The following CPE variants were observed in gnomAD, a reference collection of about 807,000 sequenced individuals.
The protein encoded by CPE is carboxypeptidase E, also known as carbocypeptidase E.
CPE carries 17 observed loss-of-function variants against 53.5 expected under a neutral mutation model. That is an observed-to-expected ratio of 0.32 (90% CI 0.22 to 0.48). CPE has a LOEUF of 0.48. Among genes scored for constraint, CPE ranks in the 20% least tolerant of loss-of-function variants. The pLI is 0.99. For synonymous variants in CPE, 226 were observed against 228.8 expected, an observed-to-expected ratio of 0.99 and a Z score of 0.11; for missense variants, 524 against 614.7, an observed-to-expected ratio of 0.85 and a Z score of 1.56.
intron 5 of CPE, 97 bp from the exon 6 acceptor site, chr4:165,487,340 TG>T: frequency 6.6e-7 from 1 of 1,510,538 alleles, no homozygotes; most frequent in Non-Finnish European, 9.0e-7. Context: ...TGCCCTGGTT[TG>T]TGTACCTTTT....
At chr4:165,458,305 T>A (rs1290651013) in intron 1 of CPE, among the ~76,000 whole-genome samples, 1 of 152,238 alleles carries the variant, frequency 6.6e-6, no homozygotes, top group Non-Finnish European at 1.5e-5. Flanking sequence ...AATGGGGTTT[T>A]ACCTGTGGAA....
chr4:165,414,923 C>T (rs1185383983), intron 1 of CPE, among the ~76,000 whole-genome samples: 1 of 151,432 alleles, frequency 6.6e-6, no homozygotes, highest in Non-Finnish European at 1.5e-5. Flanking sequence ...GGAAAAACAG[C>T]CATTATTTAA....
chr4:165,383,535 G>T (rs992395723), intron 1 of CPE, among the ~76,000 whole-genome samples: 17 of 152,166 alleles, frequency 1.1e-4, no homozygotes, highest in African/African-American at 3.6e-4. Flanking sequence ...AAGTAAATCT[G>T]ATTTATAGCT....
intron 3 of CPE, among the ~76,000 whole-genome samples, chr4:165,472,115 C>G (rs917359796): frequency 6.6e-6 from 1 of 152,152 alleles, no homozygotes; most frequent in African/African-American, 2.4e-5. Context: ...AACAAAGGAT[C>G]AGCAATGTTT....
At chr4:165,389,835 G>T (rs535666575) in intron 1 of CPE, among the ~76,000 whole-genome samples, 1 of 152,236 alleles carries the variant, frequency 6.6e-6, no homozygotes, top group South Asian at 2.1e-4. Context: ...TTTCACAGTT[G>T]CCAAATTATA....
chr4:165,442,506 T>A (rs1406428261), intron 1 of CPE, among the ~76,000 whole-genome samples: 1 of 152,174 alleles, frequency 6.6e-6, no homozygotes, highest in African/African-American at 2.4e-5. Context: ...TAAATTCAGT[T>A]TCCAGATTAT....
chr4:165,405,949 C>A lies in CPE; in HGVS notation c.307+26421C>A, dbSNP rs1000781091. 1.6e-5 allele frequency: 12 copies of A among 731,084 alleles called. No individual in the cohort carries two copies. The African/African-American group carries it at 2.1e-4, about 13-fold the overall frequency. 45.3% of individuals were successfully genotyped at this position (731,084 alleles called of 1,614,324 possible). A position where few individuals can be genotyped will look rare whatever the true frequency, so the allele number is the denominator to read the frequency against. On this transcript the variant is annotated intron_variant, in intron 1 of 8. Transcript: ENST00000402744. ...TGGCAGTCACAACAGGCTTTATGGA[C>A]TTTTCAAGTTTCTCAAATGTTCTCT...
intron 1 of CPE, among the ~76,000 whole-genome samples, chr4:165,457,870 C>G (rs574444293): frequency 7.2e-5 from 11 of 152,226 alleles, no homozygotes; most frequent in African/African-American, 2.6e-4. Context: ...AGTGAGTAAT[C>G]TGTTTTTGTA....
At chr4:165,384,731 T>C (rs1222451314) in intron 1 of CPE, among the ~76,000 whole-genome samples, 1 of 152,140 alleles carries the variant, frequency 6.6e-6, no homozygotes, top group Non-Finnish European at 1.5e-5. Flanking sequence ...ATTTGTCACA[T>C]GAGACTGGAT....
At chr4:165,419,654 A>G (rs1483201174) in intron 1 of CPE, among the ~76,000 whole-genome samples, 1 of 152,188 alleles carries the variant, frequency 6.6e-6, no homozygotes, top group African/African-American at 2.4e-5. Context: ...GTGTCTTTCA[A>G]TGGCAGAAGG....
At chr4:165,388,350 A>C (rs1730631367) in intron 1 of CPE, among the ~76,000 whole-genome samples, 2 of 152,208 alleles carry the variant, frequency 1.3e-5, no homozygotes, top group Admixed American at 6.5e-5. Context: ...GCTATTATAA[A>C]ATATTACTGT....
At chr4:165,421,441 G>A (rs938936991) in intron 1 of CPE, among the ~76,000 whole-genome samples, 1 of 152,128 alleles carries the variant, frequency 6.6e-6, no homozygotes, top group African/African-American at 2.4e-5. Flanking sequence ...CTTGACATTT[G>A]TAACTTTTGT....
intron 6 of CPE, among the ~76,000 whole-genome samples, chr4:165,490,629 C>CAAAAAAA (rs36034365): frequency 4.9e-5 from 2 of 41,006 alleles, no homozygotes; most frequent in East Asian, 6.2e-4. Context: ...GACTCCGTCT[C>CAAAAAAA]AAAAAAAAAA....
rs763320577 is a variant in CPE at position 165,484,407 on chromosome 4, G to A, written c.791-15G>A. 2.5e-6 allele frequency: 4 copies of A among 1,609,704 alleles called. No individual in the cohort carries two copies. In the Admixed American group the frequency reaches 5.0e-5, roughly 20 times the overall value. The stretch of plus-strand genomic sequence containing the variant: ...TCTGTGTCTGTTTCTTTAATCTTGT[G>A]GATTTGTTTTCTAGGTAGTGCTCAC... On this transcript the variant is annotated splice_polypyrimidine_tract_variant and intron_variant, in intron 4 of 8. Transcript: ENST00000402744.
chr4:165,494,733 G>A (rs189622368), intron 7 of CPE, among the ~76,000 whole-genome samples: 356 of 152,252 alleles, frequency 2.3e-3, no homozygotes, highest in Non-Finnish European at 4.4e-3. Context: ...GACAATTGAG[G>A]CACTAGCTGC....
At chr4:165,449,824 AT>A (rs200627529) in intron 1 of CPE, among the ~76,000 whole-genome samples, 8 of 151,730 alleles carry the variant, frequency 5.3e-5, no homozygotes, top group African/African-American at 1.2e-4. Flanking sequence ...TTTTAAATAG[AT>A]TTTTTTTGAT....
At position 165,430,994 on chromosome 4, in the gene CPE, C is replaced by T. The variant is rs148901067; in HGVS notation, c.308-33396C>T. ...CTGCTCTTGTCTTTTCCAATAAACT[C>T]GTCTCACCTGGATGGAGACTTTGTG... On this transcript the variant is annotated intron_variant, in intron 1 of 8. Coordinates refer to ENST00000402744, the MANE Select transcript of CPE (RefSeq NM_001873.4). Among the ~76,000 whole-genome samples the T allele has an allele frequency of 1.1e-4, 16 of 152,280 alleles. No homozygotes were observed. The East Asian group carries it at 3.1e-3, about 29-fold the overall frequency.
At chr4:165,386,520 A>G (rs1206452113) in intron 1 of CPE, among the ~76,000 whole-genome samples, 1 of 152,308 alleles carries the variant, frequency 6.6e-6, no homozygotes, top group Middle Eastern at 3.4e-3. Flanking sequence ...AAGGATAGAG[A>G]TGGTACTTTT....
At chr4:165,453,984 T>TC (rs1211545791) in intron 1 of CPE, among the ~76,000 whole-genome samples, 2 of 152,074 alleles carry the variant, frequency 1.3e-5, no homozygotes, top group Non-Finnish European at 2.9e-5. Flanking sequence ...GAATTTTTTT[T>TC]TTTACAAATA....
Sources: allele counts gnomAD v4.1 joint callset (sites outside exome capture counted in the v4.1 genomes callset), GRCh38; gene constraint gnomAD v4.1.1; transcripts MANE v1.5; gene names NCBI Gene and HGNC (gene_info 2026-07-23, HGNC 2026-07-21).